The following PDE4D variants were observed in gnomAD, a reference collection of about 807,000 sequenced individuals.
The protein encoded by PDE4D is phosphodiesterase 4D, also known as 3',5'-cyclic-AMP phosphodiesterase 4D.
A neutral mutation model predicts 87.4 loss-of-function variants in PDE4D; 24 were observed. The ratio of observed to expected loss-of-function variants is 0.27; its 90% CI spans 0.20 to 0.39. The LOEUF is 0.39. PDE4D is among the 10% of genes least tolerant of loss of function. The pLI is 1.00. For missense variants in PDE4D, 714 were observed against 1,041.0 expected (o/e 0.69, Z 4.32); for synonymous variants, 384 against 383.2 (o/e 1.00, Z -0.02).
chr5:59,086,023 G>A (rs953293928), intron 5 of PDE4D, among the ~76,000 whole-genome samples: 15 of 152,286 alleles, frequency 9.8e-5, no homozygotes, highest in Non-Finnish European at 1.6e-4. Context: ...CAAGGGGTCC[G>A]TCTATACAGA....
intron 3 of PDE4D, among the ~76,000 whole-genome samples, chr5:59,985,131 G>GTTTT (rs1357220308): frequency 8.6e-6 from 1 of 116,086 alleles, no homozygotes; most frequent in South Asian, 3.3e-4. Flanking sequence ...TTCGTTTTTT[G>GTTTT]TTTTTTGTTT....
At chr5:60,078,881 T>C (rs1169050301) in intron 2 of PDE4D, among the ~76,000 whole-genome samples, 6 of 152,220 alleles carry the variant, frequency 3.9e-5, no homozygotes. Context: ...GAATTATTTA[T>C]ATTCCCTTGG....
intron 5 of PDE4D, among the ~76,000 whole-genome samples, chr5:59,136,324 A>G (rs1449275061): frequency 1.3e-5 from 2 of 152,236 alleles, no homozygotes; most frequent in East Asian, 1.9e-4. Flanking sequence ...GTAACTTAAT[A>G]TATTCTTTTT....
intron 1 of PDE4D, among the ~76,000 whole-genome samples, chr5:60,383,259 G>T (rs1240892461): frequency 6.6e-6 from 1 of 152,032 alleles, no homozygotes; most frequent in Non-Finnish European, 1.5e-5. Flanking sequence ...AAAACACTTG[G>T]AATTTTTCCA....
intron 5 of PDE4D, among the ~76,000 whole-genome samples, chr5:59,139,771 C>T (rs1315836605): frequency 1.3e-5 from 2 of 152,004 alleles, no homozygotes; most frequent in African/African-American, 4.8e-5. Flanking sequence ...TGAGCTATTG[C>T]ACCTGGACTT....
At chr5:60,486,441 A>G (rs1191869308) in intron 1 of PDE4D, among the ~76,000 whole-genome samples, 2 of 152,214 alleles carry the variant, frequency 1.3e-5, no homozygotes, top group Non-Finnish European at 2.9e-5. Flanking sequence ...TTTTGCATAT[A>G]TTTGATTGAT....
intron 1 of PDE4D, among the ~76,000 whole-genome samples, chr5:59,728,838 T>C (rs1418901599): frequency 1.3e-5 from 2 of 152,080 alleles, no homozygotes; most frequent in Non-Finnish European, 2.9e-5. Flanking sequence ...GATTTCCTAA[T>C]TTGATCAGGG....
At chr5:59,803,470 T>C (rs969672593) in intron 1 of PDE4D, among the ~76,000 whole-genome samples, 5 of 152,074 alleles carry the variant, frequency 3.3e-5, no homozygotes, top group African/African-American at 1.2e-4. Flanking sequence ...AGCTAATCTT[T>C]GTATTTTTAG....
chr5:59,515,717 G>A (rs1811039294), intron 1 of PDE4D, among the ~76,000 whole-genome samples: 1 of 152,192 alleles, frequency 6.6e-6, no homozygotes. Context: ...TACAGTGGAT[G>A]TGAATAAAAA....
chr5:59,690,190 C>T (rs1449209451), intron 1 of PDE4D, among the ~76,000 whole-genome samples: 4 of 152,178 alleles, frequency 2.6e-5, no homozygotes, highest in African/African-American at 9.7e-5. Context: ...CTACCAATGA[C>T]TTTCTTCACA....
intron 1 of PDE4D, among the ~76,000 whole-genome samples, chr5:59,697,810 G>A (rs1309943269): frequency 6.6e-6 from 1 of 152,158 alleles, no homozygotes; most frequent in Non-Finnish European, 1.5e-5. Flanking sequence ...TCAGGTCAGG[G>A]CAGGTTGATA....
Position 59,038,730 on chromosome 5 carries a change from C to A in PDE4D, c.921+129G>T, listed in dbSNP as rs142221597. 41 of 829,922 alleles carry A rather than the reference C, an allele frequency of 4.9e-5. No individual in the cohort carries two copies. The African/African-American group carries it at 6.6e-4, about 13-fold the overall frequency. The allele number at this position is 829,922 out of a possible 1,614,324, so 51.4% of individuals were successfully genotyped here. A position where few individuals can be genotyped will look rare whatever the true frequency, so the allele number is the denominator to read the frequency against. On this transcript the variant is annotated intron_variant, in intron 6 of 14. Transcript: ENST00000340635. ...GAAACAGGAACCTCCCTCTAAGGAG[C>A]AGAATAGCCAACATGCAGTAAGCCT...
At chr5:59,731,460 C>A (rs1444932623) in intron 1 of PDE4D, among the ~76,000 whole-genome samples, 1 of 152,094 alleles carries the variant, frequency 6.6e-6, no homozygotes, top group Non-Finnish European at 1.5e-5. Context: ...ACTGTACTAG[C>A]CCTAGTTTGC....
At chr5:59,420,018 T>C (rs1794222406) in intron 1 of PDE4D, among the ~76,000 whole-genome samples, 2 of 152,316 alleles carry the variant, frequency 1.3e-5, no homozygotes, top group African/African-American at 4.8e-5. Flanking sequence ...TGGTGGCAGA[T>C]GGGGCATCTG....
intron 1 of PDE4D, among the ~76,000 whole-genome samples, chr5:59,440,190 A>G (rs1435832574): frequency 6.6e-6 from 1 of 152,214 alleles, no homozygotes; most frequent in African/African-American, 2.4e-5. Context: ...TAAAGTTTTC[A>G]TATTAAATTT....
At chr5:59,013,018 T>C (rs566880039) in intron 6 of PDE4D, among the ~76,000 whole-genome samples, 1 of 152,264 alleles carries the variant, frequency 6.6e-6, no homozygotes, top group Admixed American at 6.5e-5. Context: ...CTCAACTACA[T>C]GGAAACTGAA....
At chr5:59,066,399 G>A (rs2153414891) in intron 5 of PDE4D, among the ~76,000 whole-genome samples, 1 of 152,242 alleles carries the variant, frequency 6.6e-6, no homozygotes, top group East Asian at 1.9e-4. Context: ...AATAGATGGG[G>A]AGGGGACCCA....
intron 1 of PDE4D, among the ~76,000 whole-genome samples, chr5:59,817,694 T>C (rs1210138645): frequency 2.6e-5 from 4 of 151,758 alleles, no homozygotes; most frequent in African/African-American, 9.7e-5. Context: ...AGCTTTCTCT[T>C]TCTCCCTACA....
In PDE4D at chr5:59,397,790, G is replaced by A. The variant is rs1371384719; in HGVS notation, c.456-181822C>T. ...CCCTTCAAAAAATTAATGAATCCAG[G>A]AGCTGGTTTTTTGAAAGGATCAACA... is the stretch of plus-strand genomic sequence containing the variant. On this transcript the variant is annotated intron_variant, in intron 1 of 14. Transcript: ENST00000340635. 2.6e-5 allele frequency among the ~76,000 whole-genome samples: 3 copies of A among 115,862 alleles called. 1 individual carries two copies. Among genetic ancestry groups the A allele is most frequent in the Non-Finnish European group, 3.6e-5 (2 of 54,964 alleles). The allele number at this position is 115,862 out of a possible 152,430, so 76.0% of individuals were successfully genotyped here. A position where few individuals can be genotyped will look rare whatever the true frequency, so the allele number is the denominator to read the frequency against.
Sources: allele counts gnomAD v4.1 joint callset (sites outside exome capture counted in the v4.1 genomes callset), GRCh38; gene constraint gnomAD v4.1.1; transcripts MANE v1.5; gene names NCBI Gene and HGNC (gene_info 2026-07-23, HGNC 2026-07-21).